Variants in TCF4 observed in about 807,000 individuals in gnomAD.
TCF4 encodes SL3-3 enhancer factor 2.
In TCF4, 3 loss-of-function variants were observed where a neutral mutation model predicts 82.1. That is an observed-to-expected ratio of 0.04 (90% CI 0.02 to 0.09). The LOEUF (loss-of-function observed/expected upper bound fraction) is 0.09. TCF4 is among the 10% of genes least tolerant of loss of function. TCF4 has a pLI of 1.00. For missense variants in TCF4, 518 were observed against 852.7 expected, an observed-to-expected ratio of 0.61 and a Z score of 4.89; for synonymous variants, 276 against 309.6, an observed-to-expected ratio of 0.89 and a Z score of 1.14.
intron 6 of TCF4, among the ~76,000 whole-genome samples, chr18:55,365,191 A>ATATATATATATATGTG (rs1361444592): frequency 9.2e-5 from 9 of 97,930 alleles, no homozygotes; most frequent in African/African-American, 4.0e-4. Flanking sequence ...ATATATATAT[A>ATATATATATATATGTG]TGTGTGTGTG....
At chr18:55,442,489 C>CA (rs1452660501) in intron 5 of TCF4, among the ~76,000 whole-genome samples, 2 of 152,082 alleles carry the variant, frequency 1.3e-5, no homozygotes, top group African/African-American at 4.8e-5. Flanking sequence ...AAAAGGGTGA[C>CA]AGAGAAATAA....
At chr18:55,596,085 T>C (rs191162069) in intron 2 of TCF4, 13 of 437,296 alleles carry the variant, frequency 3.0e-5, no homozygotes, top group Admixed American at 9.9e-5. Context: ...ATACAAAAAT[T>C]AGCCTCGAGT....
rs1218630099 is a variant in TCF4 at position 55,380,924 on chromosome 18, C to T, written c.369+22530G>A. On this transcript the variant is annotated intron_variant, in intron 6 of 19. Coordinates refer to ENST00000354452, the MANE Select transcript of TCF4 (RefSeq NM_001083962.2). ...ATTCATTTGAATATTAACCCGTTTCCTGTGTGATCTAGAGGATACTTTCCA... is the reference window on the plus strand; with the variant it reads ...ATTCATTTGAATATTAACCCGTTTCTTGTGTGATCTAGAGGATACTTTCCA... 4.1e-4 allele frequency among the ~76,000 whole-genome samples: 62 copies of T among 152,184 alleles called. 1 individual carries two copies. The highest frequency in any genetic ancestry group is 4.1e-3 in the Admixed American group (62 of 15,282).
chr18:55,514,445 AC>A (rs1555716325), intron 3 of TCF4, among the ~76,000 whole-genome samples: 2 of 94,274 alleles, frequency 2.1e-5, no homozygotes, highest in African/African-American at 3.7e-5. Flanking sequence ...ACACACACAC[AC>A]CCCAATCATA....
chr18:55,582,392 A>T (rs1289177528), intron 3 of TCF4, among the ~76,000 whole-genome samples: 1 of 152,160 alleles, frequency 6.6e-6, no homozygotes, highest in African/African-American at 2.4e-5. Flanking sequence ...TGTTAAGGTC[A>T]TCGAAGCTCT....
At chr18:55,321,972 G>A (rs2075603639) in intron 8 of TCF4, 1 of 1,308,848 alleles carries the variant, frequency 7.6e-7, no homozygotes, top group Admixed American at 3.5e-5. Context: ...CCCTGATGGA[G>A]CTCGAAATCC....
At chr18:55,342,722 T>G (rs1223122604) in intron 8 of TCF4, among the ~76,000 whole-genome samples, 1 of 152,170 alleles carries the variant, frequency 6.6e-6, no homozygotes, top group Non-Finnish European at 1.5e-5. Context: ...ACTCCACTTG[T>G]TATTAAATTA....
intron 10 of TCF4, among the ~76,000 whole-genome samples, chr18:55,274,057 C>T (rs2060959206): frequency 6.6e-6 from 1 of 152,048 alleles, no homozygotes; most frequent in African/African-American, 2.4e-5. Flanking sequence ...GGTATAGTGC[C>T]TAAAACTTTT....
intron 3 of TCF4, among the ~76,000 whole-genome samples, chr18:55,506,035 C>T (rs1043838494): frequency 6.6e-6 from 1 of 152,168 alleles, no homozygotes; most frequent in South Asian, 2.1e-4. Flanking sequence ...TCAACAGAGA[C>T]ACCTCTTTGA....
At chr18:55,514,913 T>G (rs1237299623) in intron 3 of TCF4, among the ~76,000 whole-genome samples, 4 of 152,210 alleles carry the variant, frequency 2.6e-5, no homozygotes, top group African/African-American at 9.7e-5. Context: ...TTATTACTAT[T>G]AAAATTATTA....
At chr18:55,596,922 CAGTGTT>C (rs577778663) in intron 2 of TCF4, among the ~76,000 whole-genome samples, 45 of 152,212 alleles carry the variant, frequency 3.0e-4, no homozygotes, top group African/African-American at 1.1e-3. Context: ...TTGTAATCCT[CAGTGTT>C]GGAGGAGGGG....
intron 5 of TCF4, among the ~76,000 whole-genome samples, chr18:55,455,252 A>G (rs2095719587): frequency 6.6e-6 from 1 of 151,624 alleles, no homozygotes; most frequent in Non-Finnish European, 1.5e-5. Context: ...AAGAAGTAGA[A>G]GAAAGAAAAA....
intron 5 of TCF4, among the ~76,000 whole-genome samples, chr18:55,432,030 G>A (rs184830035): frequency 6.6e-6 from 1 of 152,302 alleles, no homozygotes; most frequent in Non-Finnish European, 1.5e-5. Context: ...GGCTGGGCAA[G>A]GTGGCTCATG....
chr18:55,303,467 G>A (rs1039323307), intron 8 of TCF4, among the ~76,000 whole-genome samples: 1 of 152,158 alleles, frequency 6.6e-6, no homozygotes. Flanking sequence ...AGGAATATCA[G>A]TCGAATATAA....
intron 6 of TCF4, among the ~76,000 whole-genome samples, chr18:55,369,345 T>A (rs983777312): frequency 2.0e-5 from 3 of 152,182 alleles, no homozygotes; most frequent in African/African-American, 7.2e-5. Context: ...CAGAATTTTT[T>A]AAACTGCCAT....
intron 3 of TCF4, among the ~76,000 whole-genome samples, chr18:55,567,675 T>C (rs755296877): frequency 1.3e-5 from 2 of 151,674 alleles, no homozygotes; most frequent in Non-Finnish European, 2.9e-5. Context: ...ATCGCGCCAC[T>C]GCACTCCAGC....
chr18:55,574,154 C>T lies in TCF4; in HGVS notation c.145+11126G>A, dbSNP rs191413899. On this transcript the variant is annotated intron_variant, in intron 3 of 19. Coordinates refer to ENST00000354452, the MANE Select transcript of TCF4 (RefSeq NM_001083962.2). ...CATTCCTAACACTACACTTCAAGGG[C>T]CAATTTCCATAAGCATTCAAATCCA... is the stretch of plus-strand genomic sequence containing the variant. Among the ~76,000 whole-genome samples the T allele has an allele frequency of 2.0e-5, 3 of 152,174 alleles. No homozygotes were observed. The East Asian group carries it at 5.8e-4, about 29-fold the overall frequency.
intron 8 of TCF4, among the ~76,000 whole-genome samples, chr18:55,342,527 G>A (rs982189454): frequency 2.0e-5 from 3 of 152,042 alleles, no homozygotes; most frequent in Non-Finnish European, 4.4e-5. Context: ...TGACCAAATC[G>A]TTTAAAAAAT....
upstream of TCF4, among the ~76,000 whole-genome samples, chr18:55,590,460 G>C (rs1414954301): frequency 6.6e-6 from 1 of 152,230 alleles, no homozygotes; most frequent in Non-Finnish European, 1.5e-5. Flanking sequence ...TGTAGTTTGT[G>C]CCATAAGCCA....
Sources: allele counts gnomAD v4.1 joint callset (sites outside exome capture counted in the v4.1 genomes callset), GRCh38; gene constraint gnomAD v4.1.1; transcripts MANE v1.5; gene names NCBI Gene and HGNC (gene_info 2026-07-23, HGNC 2026-07-21).